The following ADIPOR2 variants were observed in gnomAD, a reference collection of about 807,000 sequenced individuals.
ADIPOR2 encodes the protein adiponectin receptor 2, also known as adiponectin receptor protein 2.
A neutral mutation model predicts 40.9 loss-of-function variants in ADIPOR2; 18 were observed. The ratio of observed to expected loss-of-function variants is 0.44; its 90% CI spans 0.30 to 0.65. The LOEUF (loss-of-function observed/expected upper bound fraction) is 0.65, where lower values mean the gene tolerates loss of function less well. ADIPOR2 is among the 30% of genes least tolerant of loss of function. The pLI is 0.09. For synonymous variants in ADIPOR2, 165 were observed against 166.4 expected (o/e 0.99, Z 0.06); for missense variants, 283 against 479.2 (o/e 0.59, Z 3.82).
At chr12:1,762,213 A>G (rs1022170509) in intron 2 of ADIPOR2, among the ~76,000 whole-genome samples, 6 of 152,096 alleles carry the variant, frequency 3.9e-5, no homozygotes, top group African/African-American at 1.2e-4. Flanking sequence ...ACTTCATTCT[A>G]TTTCAAGTTT....
At chr12:1,743,032 C>G (rs891920454) in intron 1 of ADIPOR2, among the ~76,000 whole-genome samples, 2 of 151,692 alleles carry the variant, frequency 1.3e-5, no homozygotes, top group Non-Finnish European at 2.9e-5. Flanking sequence ...TATAGCAGTC[C>G]TAGAGGGATT....
At chr12:1,735,785 A>G (rs2094729202) in intron 1 of ADIPOR2, among the ~76,000 whole-genome samples, 1 of 152,192 alleles carries the variant, frequency 6.6e-6, no homozygotes, top group Non-Finnish European at 1.5e-5. Flanking sequence ...TACCTAATTT[A>G]TTGAGAGTTT....
At chr12:1,756,580 C>G (rs1253907931) in intron 2 of ADIPOR2, among the ~76,000 whole-genome samples, 4 of 151,050 alleles carry the variant, frequency 2.6e-5, no homozygotes, top group Non-Finnish European at 4.4e-5. Flanking sequence ...CAGGTTTATT[C>G]AGGGAATTTA....
chr12:1,749,814 C>T (rs2094764952), intron 1 of ADIPOR2, among the ~76,000 whole-genome samples: 1 of 148,960 alleles, frequency 6.7e-6, no homozygotes, highest in Non-Finnish European at 1.5e-5. Flanking sequence ...CATAGTATAA[C>T]ATATTGCTAT....
chr12:1,754,693 T>C (rs1339974290), intron 2 of ADIPOR2, among the ~76,000 whole-genome samples, 179 bp downstream of exon 2: 1 of 136,660 alleles, frequency 7.3e-6, no homozygotes, highest in Non-Finnish European at 1.6e-5. Context: ...ATCTTTATTA[T>C]TATTATTACT....
intron 1 of ADIPOR2, among the ~76,000 whole-genome samples, chr12:1,703,219 A>G (rs1181866763): frequency 6.6e-6 from 1 of 152,246 alleles, no homozygotes; most frequent in African/African-American, 2.4e-5. Context: ...AATGCCTACT[A>G]TATACTAGTT....
At chr12:1,691,870 T>G (rs2094627855) in intron 1 of ADIPOR2, among the ~76,000 whole-genome samples, 1 of 152,208 alleles carries the variant, frequency 6.6e-6, no homozygotes, top group African/African-American at 2.4e-5. Context: ...TGATCTTGAT[T>G]TAAGCGTTTG....
chr12:1,726,385 A>G (rs761769606), intron 1 of ADIPOR2, among the ~76,000 whole-genome samples: 1 of 152,000 alleles, frequency 6.6e-6, no homozygotes, highest in Non-Finnish European at 1.5e-5. Flanking sequence ...TTTAGTAGAG[A>G]CGGGGTTTCA....
At chr12:1,714,218 C>T (rs542584134) in intron 1 of ADIPOR2, among the ~76,000 whole-genome samples, 2 of 152,102 alleles carry the variant, frequency 1.3e-5, no homozygotes, top group South Asian at 4.1e-4. Context: ...TTTCTGTCCT[C>T]TCTGAACCAC....
intron 1 of ADIPOR2, among the ~76,000 whole-genome samples, chr12:1,731,545 A>G (rs1052804688): frequency 6.6e-6 from 1 of 152,158 alleles, no homozygotes; most frequent in Admixed American, 6.5e-5. Context: ...AAGTTCTATT[A>G]CACTTTCTGA....
chr12:1,710,461 C>T (rs1451776032), intron 1 of ADIPOR2, among the ~76,000 whole-genome samples: 1 of 152,080 alleles, frequency 6.6e-6, no homozygotes, highest in Non-Finnish European at 1.5e-5. Flanking sequence ...CATTGGACCC[C>T]TTTTGCTTGC....
At chr12:1,748,872 C>T (rs1218938438) in intron 1 of ADIPOR2, among the ~76,000 whole-genome samples, 1 of 151,824 alleles carries the variant, frequency 6.6e-6, no homozygotes, top group East Asian at 1.9e-4. Context: ...CCTGAGTGTC[C>T]TCTAATTCAG....
intron 1 of ADIPOR2, among the ~76,000 whole-genome samples, chr12:1,732,828 G>T (rs1300684253): frequency 6.6e-6 from 1 of 152,052 alleles, no homozygotes; most frequent in Non-Finnish European, 1.5e-5. Context: ...ATGAGAAAAT[G>T]AATTTATTAT....
chr12:1,781,192 TGAA>T (rs1862711738), intron 6 of ADIPOR2, 116 bp downstream of exon 6: 2 of 1,134,764 alleles, frequency 1.8e-6, no homozygotes, highest in African/African-American at 1.6e-5. Context: ...GATGCCAAGA[TGAA>T]GAAATCATAG....
intron 2 of ADIPOR2, among the ~76,000 whole-genome samples, chr12:1,764,156 G>A (rs11061977): frequency 0.043 from 6,593 of 152,162 alleles, 253 homozygotes; most frequent in East Asian, 0.19. Flanking sequence ...CATTAAAATG[G>A]AGATGTTTAA....
intron 1 of ADIPOR2, among the ~76,000 whole-genome samples, chr12:1,722,462 ATATT>A (rs2094699755): frequency 6.6e-6 from 1 of 152,208 alleles, no homozygotes; most frequent in Admixed American, 6.5e-5. Context: ...CCAGGGATAA[ATATT>A]TAGGAGTAAC....
intron 1 of ADIPOR2, among the ~76,000 whole-genome samples, chr12:1,706,928 T>C (rs896163543): frequency 6.6e-6 from 1 of 152,152 alleles, no homozygotes; most frequent in Non-Finnish European, 1.5e-5. Context: ...AGTTCAAGGC[T>C]GCAGTGGGCC....
At chr12:1,726,962 C>A (rs2094709260) in intron 1 of ADIPOR2, among the ~76,000 whole-genome samples, 1 of 152,200 alleles carries the variant, frequency 6.6e-6, no homozygotes, top group African/African-American at 2.4e-5. Flanking sequence ...TTCTATATTT[C>A]ATTGACCCTC....
intron 1 of ADIPOR2, among the ~76,000 whole-genome samples, chr12:1,750,636 C>G (rs1225375534): frequency 6.6e-6 from 1 of 152,002 alleles, no homozygotes; most frequent in East Asian, 1.9e-4. Flanking sequence ...CTCATTATTT[C>G]TAGAATTTTT....
Sources: gnomAD v4.1 joint callset for allele counts (sites outside exome capture counted in the v4.1 genomes callset) on GRCh38, gnomAD v4.1.1 for gene constraint, MANE v1.5 for transcripts, NCBI Gene and HGNC (gene_info 2026-07-23, HGNC 2026-07-21) for gene names.